ZNF559: variants seen among roughly 807,000 people sequenced by gnomAD.
The protein encoded by ZNF559 is putative protein product of Nbla00121.
ZNF559 carries 17 observed loss-of-function variants against 14.2 expected under a neutral mutation model. The observed-to-expected ratio is 1.20, with a 90% CI of 0.82 to 1.80. The LOEUF (loss-of-function observed/expected upper bound fraction) is 1.80, where lower values mean the gene tolerates loss of function less well. Among genes scored for constraint, ZNF559 ranks in the 40% most tolerant of loss-of-function variants. The pLI is 0.00. For missense variants in ZNF559, 740 were observed against 629.7 expected (o/e 1.18, Z -1.88); for synonymous variants, 244 against 212.4 (o/e 1.15, Z -1.29).
intron 1 of ZNF559, 22 bp from the exon 2 acceptor site, chr19:9,324,673 C>G: frequency 6.9e-7 from 1 of 1,447,674 alleles, no homozygotes; most frequent in Non-Finnish European, 9.2e-7. Flanking sequence ...CCACATCCAG[C>G]GTTGTGCCTT....
At position 9,341,103 on chromosome 19, in the gene ZNF559, T is replaced by C. The variant is rs549788774; in HGVS notation, c.162T>C (p.Asp54=). ...LENYKNLVAV[D]WESHINTKWS... is the part of the protein sequence containing the mutation. ...AAAATTTTTTTCATCTTATTTCAGA[T>C]TGGGAGAGTCATATTAATACCAAAT... The change falls in exon 6 of 7, where the codon GAT becomes GAC. Residue 54 remains aspartate, a splice_region_variant and synonymous_variant. Transcript: ENST00000603380. 11 of 1,595,272 alleles carry C rather than the reference T, an allele frequency of 6.9e-6. No homozygotes were observed. In the South Asian group the frequency reaches 1.0e-4, roughly 15 times the overall value.
Position 9,341,855 on chromosome 19 carries a change from C to G in ZNF559, c.404C>G (p.Thr135Ser), listed in dbSNP as rs368908658. The part of the protein sequence containing the change: ...EKAFRKPSIF[T>S]LHKKTDIGEE... Reference sequence around the variant, plus strand: ...GCCTTCAGAAAACCCTCTATCTTTACTTTACACAAGAAAACTGATATCGGA... The same window carrying G: ...GCCTTCAGAAAACCCTCTATCTTTAGTTTACACAAGAAAACTGATATCGGA... Residue 135 changes from threonine (T) to serine (S), a missense_variant, in exon 7 of 7, where the codon ACT becomes AGT. Physicochemically the swap from Thr to Ser is moderately conservative, Grantham distance 58 (BLOSUM62 1). Coordinates refer to ENST00000603380, the MANE Select transcript of ZNF559 (RefSeq NM_032497.3). 1 of 1,610,148 alleles carries G rather than the reference C, an allele frequency of 6.2e-7. No individual in the cohort carries two copies. The highest frequency in any genetic ancestry group is 8.5e-7 in the Non-Finnish European group (1 of 1,179,044).
rs545821634 is a variant in ZNF559 at position 9,341,003 on chromosome 19, G to A, written c.161-99G>A. 40 of 866,128 alleles carry A rather than the reference G, an allele frequency of 4.6e-5. No homozygotes were observed. In the African/African-American group the frequency reaches 5.0e-4, roughly 11 times the overall value. The allele number at this position is 866,128 out of a possible 1,614,324, so 53.7% of individuals were successfully genotyped here. On this transcript the variant is annotated intron_variant, in intron 5 of 6. Transcript: ENST00000603380. ...AAAAAACAAACTATATTTCAAGCCA[G>A]TGTTTGAAACTACAGTACATACTAG...
chr19:9,324,112 G>A, upstream of ZNF559: 2 of 1,521,262 alleles, frequency 1.3e-6, no homozygotes, highest in Non-Finnish European at 1.8e-6. Context: ...ATGGGCCCGG[G>A]AACCCGAGGC....
At position 9,340,684 on chromosome 19, in the gene ZNF559, A is replaced by C. The variant is rs550939973; in HGVS notation, c.161-418A>C. Among the ~76,000 whole-genome samples the C allele has an allele frequency of 2.0e-5, 3 of 149,012 alleles. No homozygotes were observed. The East Asian group carries it at 5.9e-4, about 29-fold the overall frequency. On this transcript the variant is annotated intron_variant, in intron 5 of 6. Coordinates refer to ENST00000603380, the MANE Select transcript of ZNF559 (RefSeq NM_032497.3). ...CGGGTTCAAGTGATTCCCCTGCCTC[A>C]GCCTCCTGAGTAGCTGGGACTACAG...
chr19:9,344,555 G>C lies in ZNF559; in HGVS notation c.*1487G>C, dbSNP rs1193480257. The C allele has an allele frequency of 6.6e-6, 1 of 152,154 alleles. No individual in the cohort carries two copies. The highest frequency in any genetic ancestry group is 1.5e-5 in the Non-Finnish European group (1 of 68,094). The allele number at this position is 152,154 out of a possible 1,614,324, so 9.4% of individuals were successfully genotyped here. On this transcript the variant is annotated 3_prime_UTR_variant, in exon 7 of 7. Coordinates refer to ENST00000603380, the MANE Select transcript of ZNF559 (RefSeq NM_032497.3). Reference sequence around the variant, plus strand: ...GCTATTTAGGAGGCTGGGGCAAGAGGATTGCTTGAGCCTGGTCAGGGAGGC... The same window carrying C: ...GCTATTTAGGAGGCTGGGGCAAGAGCATTGCTTGAGCCTGGTCAGGGAGGC...
chr19:9,340,599 G>C (rs1477658775), intron 5 of ZNF559, among the ~76,000 whole-genome samples: 2 of 126,946 alleles, frequency 1.6e-5, no homozygotes, highest in African/African-American at 6.5e-5. Context: ...AAAGAGTCTT[G>C]CTCTATCGCC....
intron 2 of ZNF559, among the ~76,000 whole-genome samples, chr19:9,330,565 G>C (rs897763031): frequency 6.6e-6 from 1 of 151,934 alleles, no homozygotes; most frequent in African/African-American, 2.4e-5. Context: ...TGATTCTTCT[G>C]TTTGATGATG....
Position 9,342,271 on chromosome 19 carries a change from T to A in ZNF559, c.820T>A (p.Phe274Ile), listed in dbSNP as rs781004256. ...SRVLPIEHKK[F>I]GKAFAFSPDL... ...AGTGTTACCTATAGAACATAAGAAA[T>A]TTGGCAAAGCCTTTGCTTTTTCCCC... The change falls in exon 7 of 7, where the codon TTT becomes ATT. Residue 274 changes from phenylalanine to isoleucine, a missense_variant. Coordinates refer to ENST00000603380, the MANE Select transcript of ZNF559 (RefSeq NM_032497.3). 1.3e-6 allele frequency: 2 copies of A among 1,584,308 alleles called. No homozygotes were observed. Among genetic ancestry groups the A allele is most frequent in the South Asian group, 2.3e-5 (2 of 85,278 alleles).
intron 5 of ZNF559, among the ~76,000 whole-genome samples, chr19:9,340,879 C>A (rs566634763): frequency 1.3e-5 from 2 of 151,824 alleles, no homozygotes; most frequent in Non-Finnish European, 2.9e-5. Context: ...CCTAGAGAAC[C>A]GTTTCTTAGT....
At chr19:9,341,360 T>C in intron 6 of ZNF559, 176 bp downstream of exon 6, 1 of 758,294 alleles carries the variant, frequency 1.3e-6, no homozygotes, top group Non-Finnish European at 2.3e-6. Context: ...ACTCTAAACA[T>C]CCCTCAGAAT....
intron 2 of ZNF559, among the ~76,000 whole-genome samples, chr19:9,336,360 G>A (rs1408528129): frequency 6.6e-6 from 1 of 152,064 alleles, no homozygotes. Context: ...GGGAGGCTGA[G>A]GCAGGCGGAT....
intron 4 of ZNF559, 60 bp downstream of exon 4, chr19:9,338,642 T>C: frequency 7.4e-7 from 1 of 1,345,904 alleles, no homozygotes; most frequent in Non-Finnish European, 1.1e-6. Flanking sequence ...TGTAGATGTG[T>C]TTTCTCCTAG....
chr19:9,341,033 G>A, intron 5 of ZNF559, 69 bp from the exon 6 acceptor site: 2 of 1,228,840 alleles, frequency 1.6e-6, no homozygotes, highest in Non-Finnish European at 2.3e-6. Context: ...TACTAGTCTT[G>A]CATTTTTAAC....
chr19:9,324,157 C>A (rs2066429907), upstream of ZNF559: 1 of 1,535,952 alleles, frequency 6.5e-7, no homozygotes, highest in South Asian at 1.2e-5. Flanking sequence ...TTTGCGCGTG[C>A]GCGGCGTGTC....
At chr19:9,324,621 C>G in intron 1 of ZNF559, 74 bp from the exon 2 acceptor site, 8 of 958,900 alleles carry the variant, frequency 8.3e-6, no homozygotes, top group South Asian at 6.2e-5. Context: ...TAGGGAGACC[C>G]CCCCCCCCAA....
In ZNF559 at chr19:9,342,744, C is replaced by A. The variant is rs776197599; in HGVS notation, c.1293C>A (p.His431Gln). The A allele has an allele frequency of 3.7e-6, 6 of 1,614,014 alleles. No homozygotes were observed. The highest frequency in any genetic ancestry group is 4.2e-6 in the Non-Finnish European group (5 of 1,180,022). ...SSFLIRHLRS[H>Q]SAERPFECEE... Reference sequence around the variant, plus strand: ...TTCTTATTCGACATTTGAGAAGTCACAGTGCAGAAAGGCCTTTTGAATGTG... The same window carrying A: ...TTCTTATTCGACATTTGAGAAGTCAAAGTGCAGAAAGGCCTTTTGAATGTG... Residue 431 changes from histidine to glutamine, a missense_variant, in exon 7 of 7, where the codon CAC (histidine) becomes CAA (glutamine). Coordinates refer to ENST00000603380, the MANE Select transcript of ZNF559 (RefSeq NM_032497.3).
Position 9,342,986 on chromosome 19 carries a change from T to G in ZNF559, c.1535T>G (p.Leu512Arg). ...CGGTCCACATATCTTATTCGACATC[T>G]AAGAAGTCATAGTGTGGAGAAACCA... Reference protein sequence around the residue: ...FTRSTYLIRHLRSHSVEKPYK... With the variant: ...FTRSTYLIRHRRSHSVEKPYK... Residue 512 changes from leucine to arginine, a missense_variant, in exon 7 of 7, where the codon CTA becomes CGA. Transcript: ENST00000603380. 3 of 1,614,202 alleles carry G rather than the reference T, an allele frequency of 1.9e-6. No homozygotes were observed. Among genetic ancestry groups the G allele is most frequent in the Non-Finnish European group, 2.5e-6 (3 of 1,180,030 alleles).
chr19:9,326,668 T>G (rs2066623762), intron 2 of ZNF559, among the ~76,000 whole-genome samples: 1 of 152,204 alleles, frequency 6.6e-6, no homozygotes, highest in Non-Finnish European at 1.5e-5. Context: ...ATATTAAAAA[T>G]GCAGCATATC....
Sources: allele counts gnomAD v4.1 joint callset (sites outside exome capture counted in the v4.1 genomes callset), GRCh38; gene constraint gnomAD v4.1.1; transcripts MANE v1.5; gene names NCBI Gene and HGNC (gene_info 2026-07-23, HGNC 2026-07-21).